The following NLK variants were observed in gnomAD, a reference collection of about 807,000 sequenced individuals.
NLK encodes the protein nemo like kinase, also known as serine/threonine-protein kinase NLK.
In NLK, 11 loss-of-function variants were observed where a neutral mutation model predicts 59.0. The observed-to-expected ratio is 0.19, with a 90% confidence interval of 0.12 to 0.31. NLK has a LOEUF of 0.31. NLK is among the 10% of genes least tolerant of loss of function. The pLI is 1.00. For missense variants in NLK, 410 were observed against 661.1 expected, an observed-to-expected ratio of 0.62 and a Z score of 4.16; for synonymous variants, 235 against 235.9, an observed-to-expected ratio of 1.00 and a Z score of 0.03.
chr17:28,201,497 T>C, the NLK span, among the ~76,000 whole-genome samples: 2 of 148,984 alleles, frequency 1.3e-5, no homozygotes, highest in South Asian at 2.2e-4. Flanking sequence ...TGAGCCAAGA[T>C]TGCATCACCG....
At chr17:28,193,569 G>C (rs1184256796) in intron 10 of NLK, among the ~76,000 whole-genome samples, 3 of 152,212 alleles carry the variant, frequency 2.0e-5, no homozygotes, top group Non-Finnish European at 4.4e-5. Context: ...GGGGAACCAT[G>C]AACAGGGTCT....
chr17:28,134,854 C>T (rs924207183), intron 3 of NLK, among the ~76,000 whole-genome samples: 2 of 152,166 alleles, frequency 1.3e-5, no homozygotes, highest in Non-Finnish European at 2.9e-5. Context: ...CAAAATTAAC[C>T]TAAGGGTAGA....
At chr17:28,131,645 G>A (rs1489259736) in intron 2 of NLK, among the ~76,000 whole-genome samples, 4 of 140,742 alleles carry the variant, frequency 2.8e-5, no homozygotes, top group Admixed American at 7.1e-5. Context: ...ATTTGAACTA[G>A]TACCACACAA....
chr17:28,137,129 C>T (rs1448911229), intron 3 of NLK, among the ~76,000 whole-genome samples: 2 of 152,036 alleles, frequency 1.3e-5, no homozygotes, highest in African/African-American at 2.4e-5. Flanking sequence ...CGAAATATGG[C>T]GCACACATTA....
At chr17:28,078,110 A>G (rs1287809775) in intron 1 of NLK, among the ~76,000 whole-genome samples, 1 of 152,186 alleles carries the variant, frequency 6.6e-6, no homozygotes, top group Non-Finnish European at 1.5e-5. Context: ...ATGAAATGGT[A>G]TACTGCTTTA....
intron 1 of NLK, among the ~76,000 whole-genome samples, chr17:28,062,880 C>T (rs542372608): frequency 6.6e-5 from 10 of 152,116 alleles, no homozygotes; most frequent in Admixed American, 3.3e-4. Flanking sequence ...TGCACCCTGC[C>T]GGGATAAATA....
intron 3 of NLK, among the ~76,000 whole-genome samples, chr17:28,149,092 T>C (rs1166050915): frequency 3.9e-5 from 6 of 152,226 alleles, no homozygotes; most frequent in Admixed American, 3.9e-4. Flanking sequence ...AGACAGGGTC[T>C]TGCTCTGTCG....
chr17:28,181,498 G>A (rs1160039502), intron 7 of NLK, among the ~76,000 whole-genome samples: 1 of 151,552 alleles, frequency 6.6e-6, no homozygotes, highest in Non-Finnish European at 1.5e-5. Context: ...GAGGCTGGGA[G>A]TTCAAGGCTG....
chr17:28,137,154 TG>T (rs1371569535), intron 3 of NLK, among the ~76,000 whole-genome samples: 3 of 152,190 alleles, frequency 2.0e-5, no homozygotes, highest in Non-Finnish European at 4.4e-5. Context: ...TGGCTTTAGA[TG>T]TTTTTTAATT....
intron 3 of NLK, among the ~76,000 whole-genome samples, chr17:28,143,095 G>A (rs1184474909): frequency 6.7e-6 from 1 of 148,410 alleles, no homozygotes; most frequent in Non-Finnish European, 1.5e-5. Context: ...CCAGGGAGAA[G>A]TACAATGGCA....
At chr17:28,110,181 T>A (rs112063979) in intron 1 of NLK, among the ~76,000 whole-genome samples, 1 of 152,174 alleles carries the variant, frequency 6.6e-6, no homozygotes, top group Non-Finnish European at 1.5e-5. Context: ...GTGAATGAAA[T>A]TGTTTTCTTA....
At chr17:28,113,693 T>G (rs1905626173) in intron 1 of NLK, among the ~76,000 whole-genome samples, 1 of 152,200 alleles carries the variant, frequency 6.6e-6, no homozygotes, top group Non-Finnish European at 1.5e-5. Flanking sequence ...GACCTGTATC[T>G]TGTGCTGACC....
At position 28,088,736 on chromosome 17, in the gene NLK, C is replaced by G. The variant is rs532478544; in HGVS notation, c.459-33867C>G. Among the ~76,000 whole-genome samples the G allele has an allele frequency of 5.9e-5, 9 of 152,252 alleles. No individual in the cohort carries two copies. In the East Asian group the frequency reaches 1.7e-3, roughly 29 times the overall value. On this transcript the variant is annotated intron_variant, in intron 1 of 10. Coordinates refer to ENST00000407008, the MANE Select transcript of NLK (RefSeq NM_016231.5). ...AGTTGTCTAGATTTGACAACATGTT[C>G]CAGGCTCATCTGTACATTTTCTAAC...
At chr17:28,137,124 T>G (rs985922160) in intron 3 of NLK, among the ~76,000 whole-genome samples, 1 of 152,170 alleles carries the variant, frequency 6.6e-6, no homozygotes, top group Non-Finnish European at 1.5e-5. Context: ...GTCTCCGAAA[T>G]ATGGCGCACA....
In NLK at chr17:28,063,674, A is replaced by G. The variant is rs113224775; in HGVS notation, c.458+20343A>G. 2.8e-3 allele frequency among the ~76,000 whole-genome samples: 432 copies of G among 152,282 alleles called. 4 individuals are homozygous for G. The highest frequency in any genetic ancestry group is 9.6e-3 in the African/African-American group (400 of 41,566). On this transcript the variant is annotated intron_variant, in intron 1 of 10. Transcript: ENST00000407008. The stretch of plus-strand genomic sequence containing the variant: ...AGAAGTTTTATTCCCTCACCCTCAT[A>G]AAAATTCAATTAGTAATATGGAACA...
rs191084610 is a variant in NLK, at chr17:28,150,862, T to C, written c.645-10298T>C. Among the ~76,000 whole-genome samples the C allele has an allele frequency of 2.3e-3, 354 of 152,276 alleles. 1 individual carries two copies. Among genetic ancestry groups the C allele is most frequent in the Non-Finnish European group, 3.7e-3 (251 of 68,014 alleles). ...TAATGGCACGTTTAAATAGGAGAGA[T>C]GGTTAATCTGCTCATATTCTTCTGA... On this transcript the variant is annotated intron_variant, in intron 3 of 10. Transcript: ENST00000407008.
Position 28,174,886 on chromosome 17 carries a change from T to C in NLK, c.1149+2268T>C, listed in dbSNP as rs117953755. 2.6e-5 allele frequency among the ~76,000 whole-genome samples: 4 copies of C among 152,166 alleles called. No individual in the cohort carries two copies. In the East Asian group the frequency reaches 7.7e-4, roughly 29 times the overall value. ...TCCTGTGTGCCTCTTGTTGGCCTATTAGCAGCTGCTTGAAGGTATTGCCAT... is the reference window on the plus strand; with the variant it reads ...TCCTGTGTGCCTCTTGTTGGCCTATCAGCAGCTGCTTGAAGGTATTGCCAT... On this transcript the variant is annotated intron_variant, in intron 7 of 10. Transcript: ENST00000407008.
At chr17:28,068,170 C>T (rs112856777) in intron 1 of NLK, among the ~76,000 whole-genome samples, 10 of 150,912 alleles carry the variant, frequency 6.6e-5, no homozygotes, top group Non-Finnish European at 8.9e-5. Context: ...TATGGATGTT[C>T]GATTGTTCCA....
At chr17:28,152,190 A>G (rs34980645) in intron 3 of NLK, among the ~76,000 whole-genome samples, 3,645 of 152,322 alleles carry the variant, frequency 0.024, 130 homozygotes, top group African/African-American at 0.084. Context: ...TTAGTTATAA[A>G]ATATCTGCTT....
Sources: gnomAD v4.1 joint callset for allele counts (sites outside exome capture counted in the v4.1 genomes callset) on GRCh38, gnomAD v4.1.1 for gene constraint, MANE v1.5 for transcripts, NCBI Gene and HGNC (gene_info 2026-07-23, HGNC 2026-07-21) for gene names.